CDH10: variants seen among roughly 807,000 people sequenced by gnomAD.
CDH10 encodes the protein cadherin-10.
A neutral mutation model predicts 73.1 loss-of-function variants in CDH10; 30 were observed. The observed-to-expected ratio is 0.41, with a 90% CI of 0.31 to 0.56. The LOEUF (loss-of-function observed/expected upper bound fraction) is 0.56. Ranked by LOEUF, CDH10 falls within the 20% of genes least tolerant of loss-of-function variation. The probability of loss-of-function intolerance (pLI) is 0.27; values close to 1 mark genes in which losing one functional copy is unlikely to be tolerated. For synonymous variants in CDH10, 345 were observed against 348.2 expected (o/e 0.99, Z 0.10); for missense variants, 815 against 973.7 (o/e 0.84, Z 2.17).
chr5:24,625,945 T>C (rs1056687568), intron 1 of CDH10, among the ~76,000 whole-genome samples: 4 of 152,128 alleles, frequency 2.6e-5, no homozygotes, highest in African/African-American at 7.2e-5. Context: ...GGCTCTTACA[T>C]TGAATCATGT....
intron 5 of CDH10, among the ~76,000 whole-genome samples, chr5:24,533,324 C>T (rs931180816): frequency 6.6e-6 from 1 of 151,304 alleles, no homozygotes; most frequent in African/African-American, 2.4e-5. Flanking sequence ...GAGACTCACT[C>T]TCAAAAATAA....
chr5:24,614,966 G>C (rs1410290742), intron 1 of CDH10, among the ~76,000 whole-genome samples: 2 of 152,168 alleles, frequency 1.3e-5, no homozygotes, highest in African/African-American at 4.8e-5. Flanking sequence ...TTCAGCTGCA[G>C]GAGTCAAGCA....
At chr5:24,548,618 A>T (rs957735575) in intron 2 of CDH10, among the ~76,000 whole-genome samples, 1 of 152,042 alleles carries the variant, frequency 6.6e-6, no homozygotes, top group African/African-American at 2.4e-5. Flanking sequence ...GATCTAAAAA[A>T]TACCTTCATA....
At chr5:24,595,627 A>T (rs4701246) in intron 1 of CDH10, among the ~76,000 whole-genome samples, 2 of 151,838 alleles carry the variant, frequency 1.3e-5, no homozygotes, top group African/African-American at 4.8e-5. Flanking sequence ...TGTGCCAGAC[A>T]GTATTCTCCA....
chr5:24,605,269 G>T (rs1746721353), intron 1 of CDH10, among the ~76,000 whole-genome samples: 3 of 152,200 alleles, frequency 2.0e-5, no homozygotes, highest in Non-Finnish European at 4.4e-5. Flanking sequence ...GACCTGTTAG[G>T]AACCGGGCCA....
chr5:24,622,468 G>T (rs546062539), intron 1 of CDH10, among the ~76,000 whole-genome samples: 21 of 152,204 alleles, frequency 1.4e-4, no homozygotes, highest in African/African-American at 4.8e-4. Flanking sequence ...TGCAGAATTT[G>T]GAATGCATTA....
intron 1 of CDH10, among the ~76,000 whole-genome samples, chr5:24,595,238 T>C (rs755204526): frequency 6.6e-6 from 1 of 151,962 alleles, no homozygotes; most frequent in African/African-American, 2.4e-5. Context: ...TTCTCTAATA[T>C]GGCAATGCAT....
At chr5:24,489,028 T>A (rs969296336) in intron 11 of CDH10, among the ~76,000 whole-genome samples, 1 of 152,108 alleles carries the variant, frequency 6.6e-6, no homozygotes, top group Admixed American at 6.6e-5. Flanking sequence ...TCTGATTGCA[T>A]TAGAGTTTCT....
chr5:24,511,584 AGAGAGAG>A, intron 5 of CDH10, 70 bp from the exon 6 acceptor site: 1 of 690,680 alleles, frequency 1.4e-6, no homozygotes, highest in Admixed American at 3.0e-5. Flanking sequence ...AGAGAGAGAG[AGAGAGAG>A]ATTTCTCAAT....
intron 8 of CDH10, among the ~76,000 whole-genome samples, chr5:24,504,525 T>G (rs1484501961): frequency 4.7e-5 from 6 of 127,240 alleles, no homozygotes; most frequent in Non-Finnish European, 6.8e-5. Flanking sequence ...TTTTTTTTTT[T>G]TTTTTTTTTT....
At chr5:24,593,236 CG>C (rs1166955622) in intron 2 of CDH10, 23 bp downstream of exon 2, 2 of 1,267,302 alleles carry the variant, frequency 1.6e-6, no homozygotes, top group East Asian at 4.6e-5. Context: ...AATATAAACA[CG>C]TGCCATTTTA....
At chr5:24,505,854 G>A (rs911834827) in intron 7 of CDH10, among the ~76,000 whole-genome samples, 13 of 152,144 alleles carry the variant, frequency 8.5e-5, no homozygotes, top group African/African-American at 1.2e-4. Context: ...AGGGGCTCAC[G>A]CCTGTAATCC....
At chr5:24,560,281 G>C (rs912293358) in intron 2 of CDH10, among the ~76,000 whole-genome samples, 1 of 150,920 alleles carries the variant, frequency 6.6e-6, no homozygotes, top group African/African-American at 2.4e-5. Flanking sequence ...CCTCTGGCTT[G>C]CATGCTTCCT....
intron 2 of CDH10, among the ~76,000 whole-genome samples, chr5:24,587,194 CTATT>C (rs1437378079): frequency 6.6e-6 from 1 of 152,152 alleles, no homozygotes; most frequent in Non-Finnish European, 1.5e-5. Context: ...TATGAAGTGA[CTATT>C]TAAGAATTTA....
intron 1 of CDH10, among the ~76,000 whole-genome samples, chr5:24,597,650 C>G (rs951171800): frequency 6.6e-6 from 1 of 152,126 alleles, no homozygotes; most frequent in African/African-American, 2.4e-5. Context: ...ATTTGTCTCA[C>G]TGGGTCTCAT....
intron 2 of CDH10, among the ~76,000 whole-genome samples, chr5:24,569,163 A>G (rs1745274678): frequency 6.6e-6 from 1 of 152,124 alleles, no homozygotes; most frequent in Non-Finnish European, 1.5e-5. Flanking sequence ...ATAAATCTTG[A>G]AAACATATAA....
intron 1 of CDH10, among the ~76,000 whole-genome samples, chr5:24,594,010 G>A (rs936523270): frequency 4.6e-5 from 7 of 151,754 alleles, no homozygotes; most frequent in South Asian, 2.1e-4. Flanking sequence ...CAGGAATCAC[G>A]CCTTCTGTTG....
At chr5:24,499,756 T>C (rs954641108) in intron 8 of CDH10, among the ~76,000 whole-genome samples, 4 of 152,034 alleles carry the variant, frequency 2.6e-5, no homozygotes, top group South Asian at 2.1e-4. Flanking sequence ...TAAATACCAC[T>C]TTATTTAGCT....
chr5:24,565,827 G>A (rs1028882114), intron 2 of CDH10, among the ~76,000 whole-genome samples: 5 of 151,836 alleles, frequency 3.3e-5, no homozygotes, highest in Admixed American at 3.3e-4. Context: ...ATAGCAAGAA[G>A]GCAACCATCT....
Sources: allele counts gnomAD v4.1 joint callset (sites outside exome capture counted in the v4.1 genomes callset), GRCh38; gene constraint gnomAD v4.1.1; transcripts MANE v1.5; gene names NCBI Gene and HGNC (gene_info 2026-07-23, HGNC 2026-07-21).